The following NBEA variants were observed in gnomAD, a reference collection of about 807,000 sequenced individuals.
NBEA encodes neurobeachin.
In NBEA, 44 loss-of-function variants were observed where a neutral mutation model predicts 343.4. The ratio of observed to expected loss-of-function variants is 0.13; its 90% CI spans 0.10 to 0.16. The LOEUF (loss-of-function observed/expected upper bound fraction) is 0.16, where lower values mean the gene tolerates loss of function less well. NBEA is among the 10% of genes least tolerant of loss of function. The probability of loss-of-function intolerance (pLI) is 1.00; values close to 1 mark genes in which losing one functional copy is unlikely to be tolerated. For synonymous variants in NBEA, 1,175 were observed against 1,238.7 expected (o/e 0.95, Z 1.08); for missense variants, 2,555 against 3,631.3 (o/e 0.70, Z 7.62).
At chr13:35,278,125 TAAAA>T (rs1240311971) in intron 34 of NBEA, among the ~76,000 whole-genome samples, 1 of 147,924 alleles carries the variant, frequency 6.8e-6, no homozygotes, top group African/African-American at 2.5e-5. Context: ...TATATATACA[TAAAA>T]TATATATATA....
intron 41 of NBEA, chr13:35,476,901 A>T (rs879170029): frequency 1.3e-6 from 1 of 749,358 alleles, no homozygotes. Context: ...ATCAAGAGGA[A>T]TCTCTCAGCT....
chr13:35,366,741 A>C (rs1399106995), intron 38 of NBEA, among the ~76,000 whole-genome samples: 5 of 151,336 alleles, frequency 3.3e-5, no homozygotes, highest in Non-Finnish European at 7.4e-5. Context: ...AACTGAAAAA[A>C]TAATTAACAC....
At position 35,092,619 on chromosome 13, in the gene NBEA, T is replaced by C. The variant is rs565991306; in HGVS notation, c.1572-5678T>C. ...ATAGTTCATGAAAAGATACTCAACA[T>C]TATTAACCAACAGATAAATGTAAAT... is the stretch of plus-strand genomic sequence containing the variant. On this transcript the variant is annotated intron_variant, in intron 10 of 58. Transcript: ENST00000379939. Among the ~76,000 whole-genome samples, 110 of 152,114 alleles carry C rather than the reference T, an allele frequency of 7.2e-4. No homozygotes were observed. The South Asian group carries it at 0.022, about 31-fold the overall frequency.
At chr13:35,637,098 T>G (rs1377028600) in intron 49 of NBEA, among the ~76,000 whole-genome samples, 1 of 152,176 alleles carries the variant, frequency 6.6e-6, no homozygotes, top group Non-Finnish European at 1.5e-5. Flanking sequence ...TGTGCCTGAA[T>G]AACAATCCTA....
At chr13:35,658,876 G>A (rs1057352757) in intron 55 of NBEA, among the ~76,000 whole-genome samples, 2 of 152,014 alleles carry the variant, frequency 1.3e-5, no homozygotes, top group South Asian at 4.2e-4. Flanking sequence ...CATCTGTGTC[G>A]GTCTCTTCAC....
intron 38 of NBEA, among the ~76,000 whole-genome samples, chr13:35,354,447 T>C (rs74050707): frequency 6.6e-6 from 1 of 152,176 alleles, no homozygotes; most frequent in East Asian, 1.9e-4. Flanking sequence ...GTGACCTCCA[T>C]AGCAGCAGTC....
intron 16 of NBEA, among the ~76,000 whole-genome samples, chr13:35,120,246 C>T (rs1236360456): frequency 1.3e-5 from 2 of 152,022 alleles, no homozygotes; most frequent in Non-Finnish European, 2.9e-5. Context: ...TTAGGATTTA[C>T]ATGTATTTTA....
At chr13:35,326,543 C>A (rs2038571601) in intron 36 of NBEA, among the ~76,000 whole-genome samples, 1 of 151,920 alleles carries the variant, frequency 6.6e-6, no homozygotes. Flanking sequence ...TTGGCAGAGT[C>A]TTTAGGGTTT....
chr13:35,057,456 C>A (rs1012467639), intron 7 of NBEA, among the ~76,000 whole-genome samples: 1 of 151,964 alleles, frequency 6.6e-6, no homozygotes, highest in Non-Finnish European at 1.5e-5. Flanking sequence ...TTTTAAGAGA[C>A]GCAAACAAAA....
intron 30 of NBEA, among the ~76,000 whole-genome samples, chr13:35,184,713 A>G (rs2071566462): frequency 6.6e-6 from 1 of 152,086 alleles, no homozygotes; most frequent in Admixed American, 6.6e-5. Flanking sequence ...TAATGGAAAA[A>G]GTTAACATAT....
intron 16 of NBEA, among the ~76,000 whole-genome samples, chr13:35,123,119 T>C (rs1311085675): frequency 6.6e-6 from 1 of 152,066 alleles, no homozygotes. Context: ...TGGCAAAACC[T>C]CACCTCTATA....
chr13:35,319,504 T>A (rs2037985240), intron 36 of NBEA, among the ~76,000 whole-genome samples: 1 of 152,224 alleles, frequency 6.6e-6, no homozygotes, highest in Non-Finnish European at 1.5e-5. Context: ...AGGAGTATTT[T>A]ACTTCCAATT....
intron 10 of NBEA, among the ~76,000 whole-genome samples, chr13:35,097,804 AT>A (rs1459851313): frequency 6.6e-6 from 1 of 151,692 alleles, no homozygotes; most frequent in Non-Finnish European, 1.5e-5. Context: ...ATTTCTCTGG[AT>A]TTTTTTTAAT....
intron 40 of NBEA, among the ~76,000 whole-genome samples, chr13:35,458,222 A>G (rs1262360299): frequency 1.3e-5 from 2 of 152,164 alleles, no homozygotes; most frequent in African/African-American, 4.8e-5. Flanking sequence ...TCTCCAAGAC[A>G]TGTTATTATC....
intron 35 of NBEA, among the ~76,000 whole-genome samples, chr13:35,303,680 A>C (rs1937796718): frequency 6.6e-6 from 1 of 152,164 alleles, no homozygotes; most frequent in African/African-American, 2.4e-5. Context: ...TTATGCATTC[A>C]TCAGGATTTC....
chr13:34,981,038 C>T (rs995242656), intron 1 of NBEA, among the ~76,000 whole-genome samples: 2 of 151,968 alleles, frequency 1.3e-5, no homozygotes, highest in Non-Finnish European at 2.9e-5. Flanking sequence ...ATAACATTTC[C>T]GTTACTCTCC....
intron 48 of NBEA, among the ~76,000 whole-genome samples, chr13:35,606,816 G>T (rs1235512126): frequency 1.3e-5 from 2 of 152,150 alleles, no homozygotes; most frequent in Admixed American, 6.5e-5. Flanking sequence ...AGTTATGTTT[G>T]CTCCTTTAGG....
intron 41 of NBEA, among the ~76,000 whole-genome samples, chr13:35,486,083 G>A (rs1271084664): frequency 6.6e-6 from 1 of 152,054 alleles, no homozygotes; most frequent in Non-Finnish European, 1.5e-5. Flanking sequence ...CTGAATGAAT[G>A]GTAAAGCCTC....
At chr13:35,261,171 T>G (rs2152798175) in intron 34 of NBEA, among the ~76,000 whole-genome samples, 1 of 151,956 alleles carries the variant, frequency 6.6e-6, no homozygotes, top group East Asian at 1.9e-4. Context: ...GGATAAGGGG[T>G]TTAAAAGACA....
Sources: gnomAD v4.1 joint callset for allele counts (sites outside exome capture counted in the v4.1 genomes callset) on GRCh38, gnomAD v4.1.1 for gene constraint, MANE v1.5 for transcripts, NCBI Gene and HGNC (gene_info 2026-07-23, HGNC 2026-07-21) for gene names.